Variants in ZNF284 observed in about 807,000 individuals in gnomAD.
ZNF284 encodes zinc finger protein 284.
ZNF284 carries 12 observed loss-of-function variants against 12.9 expected under a neutral mutation model. The observed-to-expected ratio is 0.93, with a 90% CI of 0.60 to 1.51. The LOEUF (loss-of-function observed/expected upper bound fraction) is 1.51, where lower values mean the gene tolerates loss of function less well. Ranked by LOEUF, ZNF284 falls within the 40% of genes most tolerant of loss-of-function variation. The pLI is 0.00. For missense variants in ZNF284, 667 were observed against 707.3 expected (o/e 0.94, Z 0.65); for synonymous variants, 225 against 236.5 (o/e 0.95, Z 0.45).
At chr19:44,079,506 G>A (rs1450393494) in intron 2 of ZNF284, among the ~76,000 whole-genome samples, 3 of 151,982 alleles carry the variant, frequency 2.0e-5, no homozygotes, top group African/African-American at 2.4e-5. Flanking sequence ...TGAGGAGATC[G>A]AGACCATCCT....
Position 44,087,073 on chromosome 19 carries a change from T to G in ZNF284, c.1595T>G (p.Leu532Arg), listed in dbSNP as rs758621413. The G allele has an allele frequency of 1.4e-5, 22 of 1,614,000 alleles. No homozygotes were observed. The highest frequency in any genetic ancestry group is 1.6e-4 in the Middle Eastern group (1 of 6,062). ...TCAACTCATCTAACCCATCAAAGAC[T>G]CCACAGCAGAGAAAAACTATTCCAA... ...WASTHLTHQR[L>R]HSREKLFQCE... Residue 532 changes from leucine to arginine, a missense_variant, in exon 5 of 5, where the codon CTC becomes CGC. Leu to Arg is a moderately radical substitution (Grantham distance 102). Transcript: ENST00000421176.
chr19:44,085,576 G>A (rs1967218394), intron 4 of ZNF284, 138 bp from the exon 5 acceptor site: 1 of 734,342 alleles, frequency 1.4e-6, no homozygotes, highest in Non-Finnish European at 2.2e-6. Flanking sequence ...GACAACGAGA[G>A]ACCGTGGTGC....
intron 1 of ZNF284, among the ~76,000 whole-genome samples, chr19:44,074,000 T>C (rs1049007447): frequency 5.9e-5 from 9 of 152,226 alleles, no homozygotes; most frequent in African/African-American, 2.2e-4. Flanking sequence ...TGAACTTACA[T>C]GTTATATCAT....
Position 44,085,720 on chromosome 19 carries a change from A to G in ZNF284, c.242A>G (p.Lys81Arg). Residue 81 changes from lysine to arginine, a missense_variant, in exon 5 of 5, where the codon AAG (lysine) becomes AGG (arginine). Transcript: ENST00000421176. ...TAATTCTGTGTCCTTATAGGAGGCA[A>G]GATCCAAACTGAGTTGGAGTCTGTT... The part of the protein sequence containing the change: ...ATQREGNSGG[K>R]IQTELESVPE... 6.2e-7 allele frequency: 1 copy of G among 1,609,860 alleles called. No homozygotes were observed. Among genetic ancestry groups the G allele is most frequent in the South Asian group, 1.1e-5 (1 of 90,214 alleles).
At chr19:44,084,117 C>A (rs1430326073) in intron 4 of ZNF284, among the ~76,000 whole-genome samples, 1 of 152,152 alleles carries the variant, frequency 6.6e-6, no homozygotes, top group Non-Finnish European at 1.5e-5. Context: ...AGGAATGACG[C>A]CAGGCCAGGT....
In ZNF284 at chr19:44,086,182, A is replaced by G. The variant is rs751102538; in HGVS notation, c.704A>G (p.Gln235Arg). The G allele has an allele frequency of 5.6e-5, 90 of 1,614,128 alleles. 1 individual carries two copies. In the Admixed American group the frequency reaches 1.5e-3, roughly 26 times the overall value. Residue 235 changes from glutamine to arginine, a missense_variant, in exon 5 of 5, where the codon CAG becomes CGG. Coordinates refer to ENST00000421176, the MANE Select transcript of ZNF284 (RefSeq NM_001037813.4). ...HTGEKPFKCE[Q>R]CGKSFSRRSG... ...GGAGAGAAACCATTCAAATGTGAGC[A>G]GTGTGGGAAAAGTTTCAGCCGTAGA... is the stretch of plus-strand genomic sequence containing the variant.
chr19:44,085,953 G>T lies in ZNF284; in HGVS notation c.475G>T (p.Val159Phe). 1 of 1,614,120 alleles carries T rather than the reference G, an allele frequency of 6.2e-7. No individual in the cohort carries two copies. Among genetic ancestry groups the T allele is most frequent in the Admixed American group, 1.7e-5 (1 of 60,008 alleles). ...HGKCKKFFSD[V>F]SILDLHQQLH... ...GAAGTGTAAAAAATTCTTCAGTGAT[G>T]TCTCCATCCTTGATCTTCATCAACA... is the stretch of plus-strand genomic sequence containing the variant. The change falls in exon 5 of 5, where the codon GTC becomes TTC. Residue 159 changes from valine to phenylalanine, a missense_variant. By Grantham distance (50) the Val-to-Phe change is conservative (BLOSUM62 -1). Coordinates refer to ENST00000421176, the MANE Select transcript of ZNF284 (RefSeq NM_001037813.4).
At chr19:44,081,721 C>A (rs979488754) in intron 3 of ZNF284, among the ~76,000 whole-genome samples, 4 of 150,736 alleles carry the variant, frequency 2.7e-5, no homozygotes, top group Admixed American at 1.3e-4. Flanking sequence ...CAAAAAAAAA[C>A]AAAAACAAAA....
intron 2 of ZNF284, among the ~76,000 whole-genome samples, chr19:44,080,810 T>C (rs911264855): frequency 2.0e-5 from 3 of 152,148 alleles, no homozygotes; most frequent in Admixed American, 6.5e-5. Context: ...TATGGGACTT[T>C]TTCATCATTG....
chr19:44,079,908 AC>A (rs1967094105), intron 2 of ZNF284, among the ~76,000 whole-genome samples: 1 of 152,084 alleles, frequency 6.6e-6, no homozygotes, highest in African/African-American at 2.4e-5. Flanking sequence ...AGCCTGGGCA[AC>A]AAGAGCGAAA....
intron 4 of ZNF284, among the ~76,000 whole-genome samples, chr19:44,084,967 C>T (rs1176691915): frequency 1.3e-5 from 2 of 152,148 alleles, no homozygotes; most frequent in East Asian, 3.9e-4. Flanking sequence ...TCGAGGGCCT[C>T]TCTCATGGCT....
At position 44,076,304 on chromosome 19, in the gene ZNF284, T is replaced by C; in HGVS notation, c.-68-18T>C. On this transcript the variant is annotated intron_variant, in intron 1 of 4. Transcript: ENST00000421176. The stretch of plus-strand genomic sequence containing the variant: ...TCATGTCTCTTTTTTTTTTTTTGCC[T>C]TCCATGGCATGTTTCAGGCACAATT... 1 of 1,390,218 alleles carries C rather than the reference T, an allele frequency of 7.2e-7. No individual in the cohort carries two copies. The highest frequency in any genetic ancestry group is 2.4e-5 in the East Asian group (1 of 41,360). The allele number at this position is 1,390,218 out of a possible 1,614,324, so 86.1% of individuals were successfully genotyped here. A position where few individuals can be genotyped will look rare whatever the true frequency, so the allele number is the denominator to read the frequency against.
chr19:44,083,474 T>TATAGAGAGAGAGAGAGAGAG (rs746837013), intron 4 of ZNF284, among the ~76,000 whole-genome samples: 1 of 64,926 alleles, frequency 1.5e-5, no homozygotes, highest in African/African-American at 5.0e-5. Flanking sequence ...TATATATATA[T>TATAGAGAGAGAGAGAGAGAG]AGAGAGAGAG....
chr19:44,081,117 A>G lies in ZNF284; in HGVS notation c.118A>G (p.Asn40Asp), dbSNP rs751666210. 1.5e-5 allele frequency: 24 copies of G among 1,612,668 alleles called. No individual in the cohort carries two copies. The South Asian group carries it at 2.4e-4, about 16-fold the overall frequency. Residue 40 changes from asparagine to aspartate, a missense_variant, in exon 3 of 5, where the codon AAC becomes GAC. Asn to Asp is a conservative substitution (Grantham distance 23). Transcript: ENST00000421176. Reference protein sequence around the residue: ...RKLYRDVMLENFRNLLSVGHQ... With the variant: ...RKLYRDVMLEDFRNLLSVGHQ... ...GCTGTATCGAGATGTCATGCTGGAG[A>G]ACTTCAGAAACCTGCTATCAGTGGG...
intron 1 of ZNF284, among the ~76,000 whole-genome samples, chr19:44,073,986 C>G (rs1269732769): frequency 6.6e-6 from 1 of 152,140 alleles, no homozygotes; most frequent in Non-Finnish European, 1.5e-5. Flanking sequence ...AGGGAAATAG[C>G]TAGTGAACTT....
intron 2 of ZNF284, among the ~76,000 whole-genome samples, chr19:44,079,497 G>A (rs1306576589): frequency 4.6e-5 from 7 of 151,870 alleles, no homozygotes; most frequent in Admixed American, 4.6e-4. Flanking sequence ...ATCACGAGGT[G>A]AGGAGATCGA....
chr19:44,081,233 A>G, intron 3 of ZNF284, 92 bp downstream of exon 3: 3 of 1,424,164 alleles, frequency 2.1e-6, no homozygotes, highest in Non-Finnish European at 1.9e-6. Flanking sequence ...TTATGCTGCT[A>G]TGAAGAAATA....
In ZNF284 at chr19:44,079,584, C is replaced by T. The variant is rs1386655127; in HGVS notation, c.16-1431C>T. On this transcript the variant is annotated intron_variant, in intron 2 of 4. Coordinates refer to ENST00000421176, the MANE Select transcript of ZNF284 (RefSeq NM_001037813.4). ...ATTAGCCGGGTGTGGTGGTGGGCGC[C>T]TGTAGTCCCAGCTACTCGGGAGGCT... is the stretch of plus-strand genomic sequence containing the variant. Among the ~76,000 whole-genome samples the T allele has an allele frequency of 9.5e-4, 144 of 151,826 alleles. 1 individual carries two copies. The highest frequency in any genetic ancestry group is 1.7e-3 in the Non-Finnish European group (114 of 67,638).
At chr19:44,083,472 T>TAGAGAGAGAGAGAG (rs1435032212) in intron 4 of ZNF284, among the ~76,000 whole-genome samples, 2 of 64,602 alleles carry the variant, frequency 3.1e-5, no homozygotes, top group African/African-American at 1.0e-4. Context: ...TATATATATA[T>TAGAGAGAGAGAGAG]ATAGAGAGAG....
Sources: gnomAD v4.1 joint callset for allele counts (sites outside exome capture counted in the v4.1 genomes callset) on GRCh38, gnomAD v4.1.1 for gene constraint, MANE v1.5 for transcripts, NCBI Gene and HGNC (gene_info 2026-07-23, HGNC 2026-07-21) for gene names.